Variants in DIPK1A observed in about 807,000 individuals in gnomAD.
DIPK1A encodes divergent protein kinase domain 1A, also known as family with sequence similarity 69 member A.
A neutral mutation model predicts 40.8 loss-of-function variants in DIPK1A; 27 were observed. The ratio of observed to expected loss-of-function variants is 0.66; its 90% CI spans 0.49 to 0.91. DIPK1A has a LOEUF of 0.91. DIPK1A is among the 40% of genes least tolerant of loss of function. The pLI is 0.00. For missense variants in DIPK1A, 412 were observed against 505.7 expected (o/e 0.81, Z 1.78); for synonymous variants, 166 against 171.3 (o/e 0.97, Z 0.24).
At chr1:92,960,495 G>A (rs1652028705) in intron 1 of DIPK1A, among the ~76,000 whole-genome samples, 1 of 152,166 alleles carries the variant, frequency 6.6e-6, no homozygotes, top group South Asian at 2.1e-4. Context: ...TCGGAGTGAT[G>A]GATTTGCGCT....
chr1:92,902,369 G>C lies in DIPK1A; in HGVS notation c.55-25939C>G, dbSNP rs192094457. Among the ~76,000 whole-genome samples the C allele has an allele frequency of 5.7e-4, 87 of 152,268 alleles. 1 individual carries two copies. Among genetic ancestry groups the C allele is most frequent in the African/African-American group, 2.1e-3 (87 of 41,540 alleles). ...CTTGGCTTGGGGATGTGTGGCCACTGGGCTGGGGTAGTTCAGCAGTGGCTC... is the reference window on the plus strand; with the variant it reads ...CTTGGCTTGGGGATGTGTGGCCACTCGGCTGGGGTAGTTCAGCAGTGGCTC... On this transcript the variant is annotated intron_variant, in intron 1 of 4. Coordinates refer to ENST00000370310, the MANE Select transcript of DIPK1A (RefSeq NM_001006605.5).
downstream of DIPK1A, among the ~76,000 whole-genome samples, chr1:92,839,746 G>A (rs924496407): frequency 1.3e-5 from 2 of 152,182 alleles, no homozygotes; most frequent in African/African-American, 2.4e-5. Context: ...AATGAGAAGC[G>A]CAATATTTGT....
chr1:92,955,384 C>T (rs72969937), intron 1 of DIPK1A, among the ~76,000 whole-genome samples: 3,226 of 152,146 alleles, frequency 0.021, 133 homozygotes, highest in African/African-American at 0.075. Context: ...AAACATGTAC[C>T]ATTATGTGGG....
At chr1:92,912,744 T>C (rs934917522) in intron 1 of DIPK1A, among the ~76,000 whole-genome samples, 1 of 152,150 alleles carries the variant, frequency 6.6e-6, no homozygotes, top group African/African-American at 2.4e-5. Context: ...GCACTTCTTT[T>C]TCCCTGATGG....
At chr1:92,870,218 A>G (rs1157505441) in intron 2 of DIPK1A, among the ~76,000 whole-genome samples, 4 of 151,984 alleles carry the variant, frequency 2.6e-5, no homozygotes, top group African/African-American at 9.7e-5. Flanking sequence ...TGTCTCTCTT[A>G]TAGCTGGATT....
intron 1 of DIPK1A, among the ~76,000 whole-genome samples, chr1:92,896,375 G>C (rs1234656249): frequency 6.6e-6 from 1 of 151,718 alleles, no homozygotes; most frequent in African/African-American, 2.4e-5. Flanking sequence ...TCTGATCTTT[G>C]ACAAACCTGA....
chr1:92,834,313 C>A (rs968719275), intron 4 of DIPK1A, among the ~76,000 whole-genome samples: 1 of 152,202 alleles, frequency 6.6e-6, no homozygotes, highest in African/African-American at 2.4e-5. Flanking sequence ...GTGGCTCCCG[C>A]ATGAAAGACC....
At chr1:92,844,941 T>A in intron 4 of DIPK1A, among the ~76,000 whole-genome samples, 1 of 3,500 alleles carries the variant, frequency 2.9e-4, no homozygotes, top group African/African-American at 5.9e-4. Context: ...TTAGTATTTC[T>A]TTTTTTTTTT....
intron 1 of DIPK1A, among the ~76,000 whole-genome samples, chr1:92,886,924 A>T (rs1648625232): frequency 6.6e-6 from 1 of 152,014 alleles, no homozygotes; most frequent in Non-Finnish European, 1.5e-5. Context: ...CAGTGGTTGT[A>T]ACAGAGACAA....
At chr1:92,894,815 AG>A (rs1246623306) in intron 1 of DIPK1A, among the ~76,000 whole-genome samples, 2 of 152,130 alleles carry the variant, frequency 1.3e-5, no homozygotes, top group Non-Finnish European at 2.9e-5. Context: ...AAAATGATAA[AG>A]GGGATATCAC....
At chr1:92,946,699 T>A (rs539487369) in intron 1 of DIPK1A, among the ~76,000 whole-genome samples, 1 of 152,284 alleles carries the variant, frequency 6.6e-6, no homozygotes, top group South Asian at 2.1e-4. Flanking sequence ...GTCCCAGTAC[T>A]TTGGGGGCTG....
intron 1 of DIPK1A, among the ~76,000 whole-genome samples, chr1:92,946,689 G>A (rs569202599): frequency 1.3e-5 from 2 of 152,114 alleles, no homozygotes; most frequent in African/African-American, 4.8e-5. Context: ...CATGCCTGTA[G>A]TCCCAGTACT....
chr1:92,852,685 TA>T (rs1687859799), intron 2 of DIPK1A, among the ~76,000 whole-genome samples: 2 of 151,930 alleles, frequency 1.3e-5, no homozygotes, highest in South Asian at 4.2e-4. Context: ...ATAAAACATC[TA>T]GAAATAAAAG....
intron 2 of DIPK1A, among the ~76,000 whole-genome samples, chr1:92,851,424 T>C (rs1033564419): frequency 6.6e-6 from 1 of 150,744 alleles, no homozygotes; most frequent in Admixed American, 6.6e-5. Flanking sequence ...GCGCCTGTAA[T>C]GCCAGCTACT....
At chr1:92,914,706 T>G (rs1048862286) in intron 1 of DIPK1A, among the ~76,000 whole-genome samples, 4 of 150,278 alleles carry the variant, frequency 2.7e-5, no homozygotes, top group African/African-American at 9.8e-5. Context: ...GAGGCGGAGG[T>G]TGCAGTGAGC....
chr1:92,946,517 C>T (rs1651366905), intron 1 of DIPK1A, among the ~76,000 whole-genome samples: 1 of 152,102 alleles, frequency 6.6e-6, no homozygotes, highest in African/African-American at 2.4e-5. Context: ...CTGAGGTTAC[C>T]AAGTTAAGCA....
intron 1 of DIPK1A, among the ~76,000 whole-genome samples, chr1:92,894,053 G>A (rs1277434139): frequency 1.3e-5 from 2 of 151,694 alleles, no homozygotes; most frequent in African/African-American, 4.9e-5. Flanking sequence ...CAATAATAAT[G>A]GGAGACTTTA....
At chr1:92,916,719 T>C (rs535986165) in intron 1 of DIPK1A, among the ~76,000 whole-genome samples, 5 of 152,358 alleles carry the variant, frequency 3.3e-5, no homozygotes, top group African/African-American at 1.2e-4. Context: ...TCATTTACCC[T>C]GATAATGTTC....
intron 2 of DIPK1A, among the ~76,000 whole-genome samples, chr1:92,856,849 G>A (rs1229949892): frequency 6.6e-6 from 1 of 152,226 alleles, no homozygotes; most frequent in Non-Finnish European, 1.5e-5. Flanking sequence ...GCAGTACTGG[G>A]AGATTTGCCA....
Sources: allele counts gnomAD v4.1 joint callset (sites outside exome capture counted in the v4.1 genomes callset), GRCh38; gene constraint gnomAD v4.1.1; transcripts MANE v1.5; gene names NCBI Gene and HGNC (gene_info 2026-07-23, HGNC 2026-07-21).